The following ATP8A2 variants were observed in gnomAD, a reference collection of about 807,000 sequenced individuals.
ATP8A2 encodes the protein phospholipid-transporting ATPase IB.
In ATP8A2, 100 loss-of-function variants were observed where a neutral mutation model predicts 165.6. The observed-to-expected ratio is 0.60, with a 90% CI of 0.51 to 0.71. The LOEUF (loss-of-function observed/expected upper bound fraction) is 0.71, where lower values mean the gene tolerates loss of function less well. ATP8A2 is among the 30% of genes least tolerant of loss of function. The pLI is 0.00. For synonymous variants in ATP8A2, 543 were observed against 548.8 expected (o/e 0.99, Z 0.15); for missense variants, 1,227 against 1,479.5 (o/e 0.83, Z 2.80).
At chr13:25,941,622 C>A (rs1213289984) in intron 33 of ATP8A2, among the ~76,000 whole-genome samples, 1 of 152,170 alleles carries the variant, frequency 6.6e-6, no homozygotes, top group African/African-American at 2.4e-5. Flanking sequence ...TGCTTGAGGA[C>A]AACCACTGTC....
At chr13:25,506,479 A>C (rs41516145) in intron 2 of ATP8A2, among the ~76,000 whole-genome samples, 10,240 of 152,302 alleles carry the variant, frequency 0.067, 465 homozygotes, top group African/African-American at 0.11. Flanking sequence ...ATTTCAGAAA[A>C]AGTCATCAAG....
intron 25 of ATP8A2, among the ~76,000 whole-genome samples, chr13:25,721,405 A>T (rs2043378914): frequency 6.6e-6 from 1 of 152,162 alleles, no homozygotes; most frequent in East Asian, 1.9e-4. Flanking sequence ...CCTGACTCTG[A>T]GGTCTTACTC....
chr13:25,623,612 A>G (rs564028675), intron 24 of ATP8A2, among the ~76,000 whole-genome samples: 2 of 152,140 alleles, frequency 1.3e-5, no homozygotes, highest in African/African-American at 2.4e-5. Context: ...TATCAGTCTC[A>G]TTTTCTAATT....
rs572121317 is a variant in ATP8A2, at chr13:25,991,392, C to T, written c.3378-21139C>T. 3.9e-4 allele frequency among the ~76,000 whole-genome samples: 60 copies of T among 152,236 alleles called. 1 individual carries two copies. In the South Asian group the frequency reaches 0.012, roughly 32 times the overall value. Reference sequence around the variant, plus strand: ...ACAAAACTGTAGTACAGTATCACAACCAGGAAACTGACACTGACACAGTCA... The same window carrying T: ...ACAAAACTGTAGTACAGTATCACAATCAGGAAACTGACACTGACACAGTCA... On this transcript the variant is annotated intron_variant, in intron 35 of 36. Transcript: ENST00000381655.
intron 30 of ATP8A2, among the ~76,000 whole-genome samples, chr13:25,850,128 T>A (rs752488658): frequency 3.9e-5 from 6 of 152,194 alleles, no homozygotes; most frequent in Non-Finnish European, 8.8e-5. Context: ...AAAGGCAAAC[T>A]GATCTCAGTC....
At chr13:25,768,920 A>G in intron 25 of ATP8A2, 126 bp from the exon 26 acceptor site, 1 of 904,330 alleles carries the variant, frequency 1.1e-6, no homozygotes, top group Non-Finnish European at 1.8e-6. Context: ...GCACATGAGC[A>G]TAAAATGGAT....
chr13:25,906,750 C>T (rs1299625141), intron 33 of ATP8A2, among the ~76,000 whole-genome samples: 1 of 152,170 alleles, frequency 6.6e-6, no homozygotes, highest in Admixed American at 6.5e-5. Context: ...TAAAGTCTTA[C>T]CACTTTATTA....
intron 33 of ATP8A2, among the ~76,000 whole-genome samples, chr13:25,932,855 CT>C (rs918035400): frequency 4.0e-5 from 6 of 151,482 alleles, no homozygotes; most frequent in African/African-American, 1.2e-4. Flanking sequence ...ATGAACTTTT[CT>C]TTTTTTTTGA....
chr13:25,433,458 A>G (rs2034670507), intron 1 of ATP8A2, among the ~76,000 whole-genome samples: 2 of 152,046 alleles, frequency 1.3e-5, no homozygotes, highest in Non-Finnish European at 1.5e-5. Context: ...TTTTCTGTAG[A>G]GACGGGGGTC....
At chr13:25,930,997 G>A (rs539288385) in intron 33 of ATP8A2, among the ~76,000 whole-genome samples, 2 of 152,314 alleles carry the variant, frequency 1.3e-5, no homozygotes, top group African/African-American at 4.8e-5. Flanking sequence ...ACCAGTTCAT[G>A]ACACATTTTG....
intron 35 of ATP8A2, among the ~76,000 whole-genome samples, chr13:25,980,896 A>G (rs768119999): frequency 3.3e-5 from 5 of 152,190 alleles, no homozygotes; most frequent in Non-Finnish European, 7.3e-5. Context: ...AAATAAAGAA[A>G]AAGTTAAGTG....
At chr13:25,456,865 C>G (rs184675953) in intron 1 of ATP8A2, among the ~76,000 whole-genome samples, 16 of 152,198 alleles carry the variant, frequency 1.1e-4, no homozygotes, top group Admixed American at 9.2e-4. Context: ...ATACATGTTC[C>G]TATCTTAAAC....
At chr13:25,667,024 T>C (rs1452411272) in intron 24 of ATP8A2, among the ~76,000 whole-genome samples, 2 of 152,184 alleles carry the variant, frequency 1.3e-5, no homozygotes, top group Admixed American at 1.3e-4. Flanking sequence ...AAACTAACCA[T>C]TAAAAGTGAA....
At chr13:25,701,802 G>A (rs762055467) in intron 25 of ATP8A2, among the ~76,000 whole-genome samples, 1 of 150,952 alleles carries the variant, frequency 6.6e-6, no homozygotes, top group Non-Finnish European at 1.5e-5. Flanking sequence ...GCTTCACAGT[G>A]CTTTGTGTGT....
At chr13:25,594,410 G>A (rs2040177236) in intron 24 of ATP8A2, among the ~76,000 whole-genome samples, 1 of 152,150 alleles carries the variant, frequency 6.6e-6, no homozygotes, top group African/African-American at 2.4e-5. Flanking sequence ...ATTTATGTGT[G>A]TGTGTGTGTA....
chr13:25,410,650 G>A (rs912011376), intron 1 of ATP8A2, among the ~76,000 whole-genome samples: 2 of 152,202 alleles, frequency 1.3e-5, no homozygotes, highest in Non-Finnish European at 2.9e-5. Flanking sequence ...TGCAGTAAGG[G>A]CTGGAAGAAC....
chr13:25,766,945 G>A (rs1258440504), intron 25 of ATP8A2, among the ~76,000 whole-genome samples: 1 of 152,170 alleles, frequency 6.6e-6, no homozygotes, highest in Non-Finnish European at 1.5e-5. Flanking sequence ...TGAGGTGGCT[G>A]GTTCTCATTT....
intron 25 of ATP8A2, among the ~76,000 whole-genome samples, chr13:25,728,859 C>T (rs1381738308): frequency 3.9e-5 from 6 of 152,118 alleles, no homozygotes; most frequent in African/African-American, 7.2e-5. Flanking sequence ...AGTGTGTGCC[C>T]GAAACTGCTG....
At chr13:25,791,551 A>ACACG in intron 27 of ATP8A2, among the ~76,000 whole-genome samples, 1 of 151,144 alleles carries the variant, frequency 6.6e-6, no homozygotes, top group Non-Finnish European at 1.5e-5. Context: ...ATACACACAC[A>ACACG]CACACACACA....
Sources: gnomAD v4.1 joint callset for allele counts (sites outside exome capture counted in the v4.1 genomes callset) on GRCh38, gnomAD v4.1.1 for gene constraint, MANE v1.5 for transcripts, NCBI Gene and HGNC (gene_info 2026-07-23, HGNC 2026-07-21) for gene names.